TIMELESS: variants seen among roughly 807,000 people sequenced by gnomAD.
TIMELESS encodes timeless circadian regulator, also known as protein timeless homolog.
Under a neutral mutation model 164.3 loss-of-function variants are expected in TIMELESS, and 124 were observed. The observed-to-expected ratio is 0.75, with a 90% CI of 0.65 to 0.88. The LOEUF (loss-of-function observed/expected upper bound fraction) is 0.88. Ranked by LOEUF, TIMELESS falls within the 40% of genes least tolerant of loss-of-function variation. TIMELESS has a pLI of 0.00. For missense variants in TIMELESS, 1,422 were observed against 1,491.4 expected, an observed-to-expected ratio of 0.95 and a Z score of 0.77; for synonymous variants, 564 against 563.4, an observed-to-expected ratio of 1.00 and a Z score of -0.02.
chr12:56,433,735 C>T, intron 3 of TIMELESS, 38 bp downstream of exon 3: 1 of 1,613,692 alleles, frequency 6.2e-7, no homozygotes, highest in Non-Finnish European at 8.5e-7. Context: ...ACACCAAAGC[C>T]TGGCAGGTGG....
chr12:56,426,629 G>C (rs1881687426), intron 13 of TIMELESS, among the ~76,000 whole-genome samples: 1 of 151,864 alleles, frequency 6.6e-6, no homozygotes, highest in Non-Finnish European at 1.5e-5. Flanking sequence ...GCATGATCTT[G>C]GCTCACTGCA....
At chr12:56,423,079 C>G in intron 18 of TIMELESS, 87 bp from the exon 19 acceptor site, 3 of 1,479,124 alleles carry the variant, frequency 2.0e-6, no homozygotes, top group Non-Finnish European at 2.7e-6. Context: ...TATAGCTGTT[C>G]CCAGCTGCCC....
In TIMELESS at chr12:56,449,425, G is replaced by GCGGGGCGAGC. The variant is rs1001975129; in HGVS notation, c.-178_-177insGCTCGCCCCG. On this transcript the variant is annotated 5_prime_UTR_variant, in exon 1 of 29. Coordinates refer to ENST00000553532, the MANE Select transcript of TIMELESS (RefSeq NM_003920.5). Reference sequence around the variant, plus strand: ...GGTCCCCGCCTGCGCGAAGAGCGAGGCGGGGCGAGCCGGGCTGGTCCACGT... The same window carrying GCGGGGCGAGC: ...GGTCCCCGCCTGCGCGAAGAGCGAGGCGGGGCGAGCCGGGGCGAGCCGGGCTGGTCCACGT... 2 of 152,284 alleles carry GCGGGGCGAGC rather than the reference G, an allele frequency of 1.3e-5. 1 individual carries two copies. Among genetic ancestry groups the GCGGGGCGAGC allele is most frequent in the African/African-American group, 4.8e-5 (2 of 41,476 alleles). 9.4% of individuals were successfully genotyped at this position (152,284 alleles called of 1,614,324 possible).
At chr12:56,429,127 A>G (rs1280941979) in intron 10 of TIMELESS, 27 bp from the exon 11 acceptor site, 2 of 1,578,846 alleles carry the variant, frequency 1.3e-6, no homozygotes, top group Admixed American at 1.7e-5. Context: ...AAAAAAAAAG[A>G]TCACCATGAC....
intron 1 of TIMELESS, among the ~76,000 whole-genome samples, chr12:56,444,470 C>T (rs896798505): frequency 1.3e-5 from 2 of 152,162 alleles, no homozygotes; most frequent in Non-Finnish European, 2.9e-5. Context: ...CACTTCCTGT[C>T]CCTTAGTTGG....
At chr12:56,441,022 T>C (rs998144809) in intron 1 of TIMELESS, among the ~76,000 whole-genome samples, 11 of 152,074 alleles carry the variant, frequency 7.2e-5, no homozygotes, top group African/African-American at 2.2e-4. Flanking sequence ...GGTTTCGCCA[T>C]GTTGCCTAGG....
At position 56,422,300 on chromosome 12, in the gene TIMELESS, A is replaced by ACTTT. The variant is rs1592244709; in HGVS notation, c.2439-110_2439-109insAAAG. On this transcript the variant is annotated intron_variant, in intron 19 of 28. Coordinates refer to ENST00000553532, the MANE Select transcript of TIMELESS (RefSeq NM_003920.5). Reference sequence around the variant, plus strand: ...AAGAACAGGAAGGACAAGGCAGGTAACTGAAAGAGGCCAGCCAGCAGAGGC... The same window carrying ACTTT: ...AAGAACAGGAAGGACAAGGCAGGTAACTTTCTGAAAGAGGCCAGCCAGCAGAGGC... 54 of 985,822 alleles carry ACTTT rather than the reference A, an allele frequency of 5.5e-5. No individual in the cohort carries two copies. In the East Asian group the frequency reaches 1.3e-3, roughly 24 times the overall value. The allele number at this position is 985,822 out of a possible 1,614,324, so 61.1% of individuals were successfully genotyped here.
intron 12 of TIMELESS, 25 bp from the exon 13 acceptor site, chr12:56,428,430 T>C (rs1881749563): frequency 6.2e-7 from 1 of 1,604,796 alleles, no homozygotes; most frequent in Non-Finnish European, 8.5e-7. Context: ...GAGAAAGGGA[T>C]GGAAGGGCTA....
chr12:56,420,064 GTGTGTGTATATA>G (rs1447515983), intron 26 of TIMELESS, among the ~76,000 whole-genome samples: 2 of 90,568 alleles, frequency 2.2e-5, no homozygotes, highest in Non-Finnish European at 4.7e-5. Flanking sequence ...GTGTGTGTGT[GTGTGTGTATATA>G]TATATATATA....
In TIMELESS at chr12:56,421,643, T is replaced by C. The variant is rs1881494443; in HGVS notation, c.2725+84A>G. The C allele has an allele frequency of 2.6e-6, 4 of 1,554,396 alleles. No individual in the cohort carries two copies. In the South Asian group the frequency reaches 4.5e-5, roughly 17 times the overall value. On this transcript the variant is annotated intron_variant, in intron 22 of 28. Transcript: ENST00000553532. ...TGAACAGAAGGGATGGGAGAATCTT[T>C]CCTTGGGAATAAAAGGCAGCCCCAA...
At chr12:56,440,431 C>A (rs146672285) in intron 1 of TIMELESS, among the ~76,000 whole-genome samples, 2,384 of 152,222 alleles carry the variant, frequency 0.016, 46 homozygotes, top group African/African-American at 0.053. Flanking sequence ...GCCACTGCGC[C>A]CGACCAAATA....
chr12:56,432,587 C>A, intron 6 of TIMELESS, 63 bp from the exon 7 acceptor site: 2 of 1,569,388 alleles, frequency 1.3e-6, no homozygotes, highest in Admixed American at 1.8e-5. Context: ...TGCCTTGAAG[C>A]TCTCCAACTC....
At chr12:56,421,677 G>C in intron 22 of TIMELESS, 50 bp downstream of exon 22, 1 of 1,594,994 alleles carries the variant, frequency 6.3e-7, no homozygotes, top group Admixed American at 1.7e-5. Context: ...AAAATAAATG[G>C]ATAGCTTGGC....
At chr12:56,422,255 C>T (rs1335134993) in intron 19 of TIMELESS, 64 bp from the exon 20 acceptor site, 2 of 1,434,132 alleles carry the variant, frequency 1.4e-6, no homozygotes, top group East Asian at 2.3e-5. Context: ...GACCAAAGGC[C>T]TTCTCTGATC....
chr12:56,429,812 G>A (rs972634411), intron 10 of TIMELESS, among the ~76,000 whole-genome samples: 2 of 151,546 alleles, frequency 1.3e-5, no homozygotes, highest in South Asian at 2.1e-4. Flanking sequence ...CACCACGCCG[G>A]GACACCGCTA....
At chr12:56,435,680 C>A (rs1447792850) in intron 1 of TIMELESS, among the ~76,000 whole-genome samples, 1 of 152,170 alleles carries the variant, frequency 6.6e-6, no homozygotes, top group Non-Finnish European at 1.5e-5. Context: ...TGGGCGTTGG[C>A]CGGGCACGGT....
In TIMELESS at chr12:56,420,029, A is replaced by AAAAT. The variant is rs1555176447; in HGVS notation, c.3228+539_3228+540insATTT. ...CTCAAAAAAAAAAAAAAAAAAAAAA[A>AAAAT]ATATATATATATATATATATGTGTG... On this transcript the variant is annotated intron_variant, in intron 26 of 28. Coordinates refer to ENST00000553532, the MANE Select transcript of TIMELESS (RefSeq NM_003920.5). 3.8e-3 allele frequency among the ~76,000 whole-genome samples: 286 copies of AAAAT among 75,114 alleles called. 6 individuals are homozygous for AAAAT. Among genetic ancestry groups the AAAAT allele is most frequent in the African/African-American group, 9.2e-3 (137 of 14,926 alleles). 49.3% of individuals were successfully genotyped at this position (75,114 alleles called of 152,430 possible). A position where few individuals can be genotyped will look rare whatever the true frequency, so the allele number is the denominator to read the frequency against.
Position 56,420,978 on chromosome 12 carries a change from T to C in TIMELESS, c.3025A>G (p.Ser1009Gly). 6.2e-7 allele frequency: 1 copy of C among 1,614,142 alleles called. No individual in the cohort carries two copies. The highest frequency in any genetic ancestry group is 8.5e-7 in the Non-Finnish European group (1 of 1,180,012). The change falls in exon 24 of 29, where the codon AGC becomes GGC. Residue 1009 changes from serine to glycine, a missense_variant. By Grantham distance (56) the Ser-to-Gly change is moderately conservative (BLOSUM62 0). Coordinates refer to ENST00000553532, the MANE Select transcript of TIMELESS (RefSeq NM_003920.5). ...LVLSNENLGQ[S>G]LHQEGFSIPL... ...AAGTCCTCACCTTCCTGATGCAGGC[T>C]TTGACCAAGGTTTTCATTTGAAAGG...
chr12:56,433,005 C>T (rs1224682906), intron 6 of TIMELESS, 21 bp downstream of exon 6: 1 of 1,439,318 alleles, frequency 6.9e-7, no homozygotes, highest in Admixed American at 1.7e-5. Context: ...CACAAGAACA[C>T]AGAACACCCA....
Sources: gnomAD v4.1 joint callset for allele counts (sites outside exome capture counted in the v4.1 genomes callset) on GRCh38, gnomAD v4.1.1 for gene constraint, MANE v1.5 for transcripts, NCBI Gene and HGNC (gene_info 2026-07-23, HGNC 2026-07-21) for gene names.